The following CRYBA2 variants were observed in gnomAD, a reference collection of about 807,000 sequenced individuals.
CRYBA2 encodes crystallin beta A2.
In CRYBA2, 17 loss-of-function variants were observed where a neutral mutation model predicts 18.5. That is an observed-to-expected ratio of 0.92 (90% CI 0.63 to 1.38). The LOEUF is 1.38. CRYBA2 is among the 40% of genes most tolerant of loss of function. The pLI, the probability that CRYBA2 is intolerant of heterozygous loss-of-function variation, is 0.00. For missense variants in CRYBA2, 271 were observed against 265.0 expected, an observed-to-expected ratio of 1.02 and a Z score of -0.16; for synonymous variants, 101 against 106.2, an observed-to-expected ratio of 0.95 and a Z score of 0.30.
intron 3 of CRYBA2, 54 bp from the exon 4 acceptor site, chr2:218,990,453 C>T (rs1271018644): frequency 1.9e-6 from 3 of 1,591,696 alleles, no homozygotes; most frequent in Middle Eastern, 2.0e-4. Flanking sequence ...CACCCCCACC[C>T]TATGTTCTCC....
In CRYBA2 at chr2:218,993,166, G is replaced by A. The variant is rs1273606879; in HGVS notation, c.11C>T (p.Ala4Val). 3.7e-6 allele frequency: 6 copies of A among 1,602,326 alleles called. No homozygotes were observed. Among genetic ancestry groups the A allele is most frequent in the Middle Eastern group, 1.7e-4 (1 of 5,896 alleles). ...GGCGGGCGCCGGGCCCGGCGCGGGG[G>A]CGCTGCTCATGCCGCTGCGGACAGG... MSS[A>V]PAPGPAPASL... The change falls in exon 1 of 4, where the codon GCC (alanine) becomes GTC (valine). Residue 4 changes from alanine (A) to valine (V), a missense_variant. Ala to Val is a moderately conservative substitution (Grantham distance 64). Transcript: ENST00000295728. The surrounding 1 kb of genome is among the most constrained non-coding windows in gnomAD (Gnocchi z 7.7).
Position 218,990,946 on chromosome 2 carries a change from C to T in CRYBA2, c.352G>A (p.Gly118Ser), listed in dbSNP as rs753866545. Reference sequence around the variant, plus strand: ...TCATCAACGAGGTCAAACTTGCAGCCTTGGAAGTTGTCCCCCTCAAACAGT... The same window carrying T: ...TCATCAACGAGGTCAAACTTGCAGCTTTGGAAGTTGTCCCCCTCAAACAGT... ...VTLFEGDNFQ[G>S]CKFDLVDDYP... is the part of the protein sequence containing the mutation. Residue 118 changes from glycine (G) to serine (S), a missense_variant, in exon 3 of 4, where the codon GGC becomes AGC. Transcript: ENST00000295728. 3 of 1,614,204 alleles carry T rather than the reference C, an allele frequency of 1.9e-6. No homozygotes were observed. The highest frequency in any genetic ancestry group is 4.5e-5 in the East Asian group (2 of 44,880).
intron 1 of CRYBA2, 47 bp downstream of exon 1, chr2:218,992,968 AC>A: frequency 6.6e-7 from 1 of 1,509,286 alleles, no homozygotes; most frequent in Non-Finnish European, 9.1e-7. Context: ...GGCCGGTGGA[AC>A]CCAGCGCCCC....
intron 3 of CRYBA2, 117 bp downstream of exon 3, chr2:218,990,735 T>A: frequency 7.5e-7 from 1 of 1,337,986 alleles, no homozygotes; most frequent in Non-Finnish European, 1.0e-6. Flanking sequence ...TCCCCTTGCC[T>A]CCAAGTCCCC....
intron 1 of CRYBA2, 44 bp downstream of exon 1, chr2:218,992,972 A>C: frequency 6.5e-7 from 1 of 1,528,328 alleles, no homozygotes; most frequent in Admixed American, 1.8e-5. Context: ...GGTGGAACCC[A>C]GCGCCCCTCA....
rs779254140 is a variant in CRYBA2, at chr2:218,992,176, G to C, written c.229C>G (p.Arg77Gly). ...CTGCTGCCACTCCAGGCGCTCCAGC[G>C]AGGATAGTCTCCCTTCTCCAGAATG... ...QFILEKGDYP[R>G]WSAWSGSSSH... Residue 77 changes from arginine (R) to glycine (G), a missense_variant, in exon 2 of 4, where the codon CGC becomes GGC. Physicochemically the swap from Arg to Gly is moderately radical, Grantham distance 125. Transcript: ENST00000295728. 6.2e-7 allele frequency: 1 copy of C among 1,613,602 alleles called. No individual in the cohort carries two copies. Among genetic ancestry groups the C allele is most frequent in the Admixed American group, 1.7e-5 (1 of 60,020 alleles).
rs1379583308 is a variant in CRYBA2 at position 218,993,059 on chromosome 2, C to G, written c.118G>C (p.Gly40Arg). ...ACCGAGCGCACCCTGGGCAGGCCTC[C>G]GCGCTCGCAGACGTTCGCACAGTCG... is the stretch of plus-strand genomic sequence containing the variant. The part of the protein sequence containing the change: ...LSDCANVCER[G>R]GLPRVRSVKV... Residue 40 changes from glycine (G) to arginine (R), a missense_variant, in exon 1 of 4, where the codon GGA becomes CGA. By Grantham distance (125) the Gly-to-Arg change is moderately radical. Transcript: ENST00000295728. The surrounding 1 kb of genome is among the most constrained non-coding windows in gnomAD (Gnocchi z 7.7). 1.2e-6 allele frequency: 2 copies of G among 1,610,440 alleles called. No individual in the cohort carries two copies. Among genetic ancestry groups the G allele is most frequent in the South Asian group, 1.1e-5 (1 of 90,996 alleles).
At chr2:218,990,582 C>T (rs1294810475) in intron 3 of CRYBA2, among the ~76,000 whole-genome samples, 183 bp from the exon 4 acceptor site, 2 of 151,782 alleles carry the variant, frequency 1.3e-5, no homozygotes, top group African/African-American at 4.8e-5. Flanking sequence ...TCACCGTTCT[C>T]ATCCAGTCTT....
chr2:218,992,041 GC>G, intron 2 of CRYBA2, 60 bp downstream of exon 2: 1 of 1,499,636 alleles, frequency 6.7e-7, no homozygotes, highest in Non-Finnish European at 9.0e-7. Flanking sequence ...CTTTCTAGGT[GC>G]CATGGTGAGG....
intron 3 of CRYBA2, 36 bp downstream of exon 3, chr2:218,990,816 C>T: frequency 6.2e-7 from 1 of 1,604,416 alleles, no homozygotes. Context: ...TGCCTCCCTG[C>T]TCTTCTGTCT....
chr2:218,991,275 T>G (rs114650428), intron 2 of CRYBA2: 2 of 328,158 alleles, frequency 6.1e-6, no homozygotes, highest in East Asian at 1.1e-4. Flanking sequence ...AGAGAGCATC[T>G]TGTGACATGG....
chr2:218,991,089 C>A, intron 2 of CRYBA2, 95 bp from the exon 3 acceptor site: 1 of 1,551,476 alleles, frequency 6.4e-7, no homozygotes. Flanking sequence ...CTGCACCTCA[C>A]AAGCTGTGAA....
Position 218,990,876 on chromosome 2 carries a change from C to A in CRYBA2, c.422G>T (p.Gly141Val), listed in dbSNP as rs777259808. 6.2e-7 allele frequency: 1 copy of A among 1,613,982 alleles called. No individual in the cohort carries two copies. The highest frequency in any genetic ancestry group is 1.3e-5 in the African/African-American group (1 of 74,940). ...CGCTCCGGAGCTGACTTTGAGGGAA[C>A]CCACATCCTTGCTGGCCCAGCCCAT... ...PSMGWASKDVGSLKVSSGAWV... is the reference protein window; with the variant it reads ...PSMGWASKDVVSLKVSSGAWV... The change falls in exon 3 of 4, where the codon GGT becomes GTT. Residue 141 changes from glycine to valine, a missense_variant. Coordinates refer to ENST00000295728, the MANE Select transcript of CRYBA2 (RefSeq NM_057093.2).
In CRYBA2 at chr2:218,993,015, C is replaced by T. The variant is rs978826212; in HGVS notation, c.161+1G>A. 10 of 1,601,148 alleles carry T rather than the reference C, an allele frequency of 6.2e-6. No homozygotes were observed. The highest frequency in any genetic ancestry group is 8.5e-6 in the Non-Finnish European group (10 of 1,171,628). ...CCAGCCGCGGCCAGGCAATCACTCA[C>T]ACGCCGTTTTCCACCTTGACCGAGC... On this transcript the variant is annotated splice_donor_variant, in intron 1 of 3. Coordinates refer to ENST00000295728, the MANE Select transcript of CRYBA2 (RefSeq NM_057093.2). LOFTEE classifies it high-confidence loss of function. The surrounding 1 kb of genome is among the most constrained non-coding windows in gnomAD (Gnocchi z 7.7).
Position 218,992,244 on chromosome 2 carries a change from C to T in CRYBA2, c.162-1G>A, listed in dbSNP as rs1945506524. 1 of 1,612,976 alleles carries T rather than the reference C, an allele frequency of 6.2e-7. No individual in the cohort carries two copies. Among genetic ancestry groups the T allele is most frequent in the Non-Finnish European group, 8.5e-7 (1 of 1,179,724 alleles). Reference sequence around the variant, plus strand: ...GTCGGGGTACTCAAAGGCCACCCAACTGGAAAAGGAGAAGAGCTGGGAGGT... The same window carrying T: ...GTCGGGGTACTCAAAGGCCACCCAATTGGAAAAGGAGAAGAGCTGGGAGGT... On this transcript the variant is annotated splice_acceptor_variant, in intron 1 of 3. Transcript: ENST00000295728. LOFTEE classifies it high-confidence loss of function.
At position 218,990,979 on chromosome 2, in the gene CRYBA2, G is replaced by T. The variant is rs780545267; in HGVS notation, c.319C>A (p.Arg107Ser). ...TTGTCCCCCTCAAACAGTGTCACAC[G>T]GCTGTCATTGTGGTTCTGAGGCACA... ...PVLCANHNDS[R>S]VTLFEGDNFQ... The change falls in exon 3 of 4, where the codon CGT becomes AGT. Residue 107 changes from arginine to serine, a missense_variant. By Grantham distance (110) the Arg-to-Ser change is moderately radical. Coordinates refer to ENST00000295728, the MANE Select transcript of CRYBA2 (RefSeq NM_057093.2). 1 of 1,613,948 alleles carries T rather than the reference G, an allele frequency of 6.2e-7. No individual in the cohort carries two copies. Among genetic ancestry groups the T allele is most frequent in the Non-Finnish European group, 8.5e-7 (1 of 1,179,966 alleles).
chr2:218,992,441 G>C (rs1222387745), intron 1 of CRYBA2, among the ~76,000 whole-genome samples, 198 bp from the exon 2 acceptor site: 1 of 152,214 alleles, frequency 6.6e-6, no homozygotes, highest in Non-Finnish European at 1.5e-5. Context: ...TCTGGGGTTT[G>C]AGGCGCCCAG....
intron 3 of CRYBA2, 28 bp downstream of exon 3, chr2:218,990,824 T>C (rs751594849): frequency 1.9e-6 from 3 of 1,607,490 alleles, no homozygotes; most frequent in South Asian, 2.2e-5. Flanking sequence ...TGCTCTTCTG[T>C]CTCCCTGGTT....
Position 218,993,063 on chromosome 2 carries a change from C to G in CRYBA2, c.114G>C (p.Glu38Asp). 1 of 1,610,796 alleles carries G rather than the reference C, an allele frequency of 6.2e-7. No homozygotes were observed. The highest frequency in any genetic ancestry group is 8.5e-7 in the Non-Finnish European group (1 of 1,178,428). Residue 38 changes from glutamate (E) to aspartate (D), a missense_variant, in exon 1 of 4, where the codon GAG becomes GAC. Glu to Asp is a conservative substitution (Grantham distance 45). Transcript: ENST00000295728. This position sits in a 1 kb window ranked among gnomAD's most constrained non-coding sequence, Gnocchi z 7.7. ...AGCGCACCCTGGGCAGGCCTCCGCG[C>G]TCGCAGACGTTCGCACAGTCGCTTA... ...RLLSDCANVC[E>D]RGGLPRVRSV...
Sources: gnomAD v4.1 joint callset for allele counts (sites outside exome capture counted in the v4.1 genomes callset) on GRCh38, gnomAD v4.1.1 for gene constraint, Gnocchi (gnomAD v3.1) non-coding constraint, MANE v1.5 for transcripts, NCBI Gene and HGNC (gene_info 2026-07-23, HGNC 2026-07-21) for gene names.